FREM2: variants seen among roughly 807,000 people sequenced by gnomAD.
FREM2 encodes FRAS1-related extracellular matrix protein 2.
Under a neutral mutation model 219.9 loss-of-function variants are expected in FREM2, and 119 were observed. The ratio of observed to expected loss-of-function variants is 0.54; its 90% CI spans 0.47 to 0.63. The LOEUF (loss-of-function observed/expected upper bound fraction) is 0.63. FREM2 is among the 30% of genes least tolerant of loss of function. The probability of loss-of-function intolerance (pLI) is 0.00; values close to 1 mark genes in which losing one functional copy is unlikely to be tolerated. For synonymous variants in FREM2, 1,562 were observed against 1,522.8 expected (o/e 1.03, Z -0.60); for missense variants, 4,030 against 3,993.6 (o/e 1.01, Z -0.25).
At chr13:38,736,144 C>T (rs1396344697) in intron 2 of FREM2, among the ~76,000 whole-genome samples, 1 of 152,146 alleles carries the variant, frequency 6.6e-6, no homozygotes, top group African/African-American at 2.4e-5. Context: ...TTCTTTGCCT[C>T]AGAGGCTCAC....
chr13:38,761,511 A>T (rs528175775), intron 2 of FREM2, among the ~76,000 whole-genome samples: 1 of 152,240 alleles, frequency 6.6e-6, no homozygotes, highest in Non-Finnish European at 1.5e-5. Flanking sequence ...TTTTTTAAAA[A>T]CAATGAGAAC....
chr13:38,795,647 A>C (rs759195642), intron 6 of FREM2, among the ~76,000 whole-genome samples: 11 of 152,102 alleles, frequency 7.2e-5, no homozygotes, highest in Non-Finnish European at 1.5e-4. Context: ...ATTGCTAACT[A>C]TAGTCACCCA....
intron 7 of FREM2, 116 bp downstream of exon 7, chr13:38,846,838 T>C: frequency 8.6e-7 from 1 of 1,158,812 alleles, no homozygotes; most frequent in Non-Finnish European, 1.3e-6. Context: ...CTGGGTATAT[T>C]GTTTTTGCTG....
chr13:38,852,995 CA>C (rs1159114629), intron 11 of FREM2, among the ~76,000 whole-genome samples: 2 of 151,946 alleles, frequency 1.3e-5, no homozygotes, highest in Non-Finnish European at 1.5e-5. Flanking sequence ...CATGAACCAC[CA>C]AACTCAGCCT....
At chr13:38,734,863 C>T (rs1871921572) in intron 2 of FREM2, among the ~76,000 whole-genome samples, 1 of 150,210 alleles carries the variant, frequency 6.7e-6, no homozygotes, top group Non-Finnish European at 1.5e-5. Context: ...TCTCCTGCCT[C>T]AACCTCCCAT....
At chr13:38,824,557 G>C (rs1430379320) in intron 6 of FREM2, among the ~76,000 whole-genome samples, 1 of 152,006 alleles carries the variant, frequency 6.6e-6, no homozygotes, top group Admixed American at 6.6e-5. Flanking sequence ...GTATTTTGAG[G>C]GAAACAGTGG....
Position 38,859,592 on chromosome 13 carries a change from T to C in FREM2, c.7519+2T>C. On this transcript the variant is annotated splice_donor_variant, in intron 14 of 23. Coordinates refer to ENST00000280481, the MANE Select transcript of FREM2 (RefSeq NM_207361.6). LOFTEE classifies it high-confidence loss of function. ...TTGTAACCATCAGCAGAGAAGAAGGTCAGTCATTGCCATTTTCCCCTGAAG... is the reference window on the plus strand; with the variant it reads ...TTGTAACCATCAGCAGAGAAGAAGGCCAGTCATTGCCATTTTCCCCTGAAG... The C allele has an allele frequency of 1.2e-6, 2 of 1,613,288 alleles. No individual in the cohort carries two copies. Among genetic ancestry groups the C allele is most frequent in the Non-Finnish European group, 1.7e-6 (2 of 1,179,746 alleles).
At position 38,861,109 on chromosome 13, in the gene FREM2, C is replaced by A. The variant is rs529261284; in HGVS notation, c.7520-322C>A. ...GTCATTTTTACTGTATCTGTTCATACTTTATATTTAAATGATTTTGTGAAT... is the reference window on the plus strand; with the variant it reads ...GTCATTTTTACTGTATCTGTTCATAATTTATATTTAAATGATTTTGTGAAT... On this transcript the variant is annotated intron_variant, in intron 14 of 23. Coordinates refer to ENST00000280481, the MANE Select transcript of FREM2 (RefSeq NM_207361.6). Among the ~76,000 whole-genome samples, 441 of 152,224 alleles carry A rather than the reference C, an allele frequency of 2.9e-3. 5 individuals carry two copies. The highest frequency in any genetic ancestry group is 0.017 in the Middle Eastern group (5 of 294).
In FREM2 at chr13:38,764,378, G is replaced by A. The variant is rs1166279074; in HGVS notation, c.5338G>A (p.Val1780Ile). ...WISFEKEYYL[V>I]NEDSKFLDVV... is the part of the protein sequence containing the mutation. Reference sequence around the variant, plus strand: ...CTCCTTTGAAAAGGAATATTACCTGGTCAATGAGGACTCCAAATTTCTAGA... The same window carrying A: ...CTCCTTTGAAAAGGAATATTACCTGATCAATGAGGACTCCAAATTTCTAGA... The change falls in exon 3 of 24, where the codon GTC (valine) becomes ATC (isoleucine). Residue 1780 changes from valine (V) to isoleucine (I), a missense_variant. Physicochemically the swap from Val to Ile is conservative, Grantham distance 29. Around this residue, in one of 2 missense-constraint regions of FREM2, gnomAD observed 3,102 missense variants for 2,950.7 expected, o/e 1.05. Transcript: ENST00000280481. 3.1e-6 allele frequency: 5 copies of A among 1,604,406 alleles called. No homozygotes were observed. The highest frequency in any genetic ancestry group is 1.7e-5 in the Admixed American group (1 of 59,954).
At chr13:38,749,904 T>C (rs186542153) in intron 2 of FREM2, among the ~76,000 whole-genome samples, 7 of 152,270 alleles carry the variant, frequency 4.6e-5, no homozygotes, top group African/African-American at 1.4e-4. Context: ...CCTCCACATA[T>C]TCAAAAATGC....
At chr13:38,706,010 G>C (rs558675836) in intron 2 of FREM2, among the ~76,000 whole-genome samples, 1 of 152,258 alleles carries the variant, frequency 6.6e-6, no homozygotes, top group Non-Finnish European at 1.5e-5. Context: ...TTCACACGTT[G>C]TAAGTAGTTT....
intron 2 of FREM2, among the ~76,000 whole-genome samples, chr13:38,734,243 T>A (rs1871888486): frequency 2.0e-5 from 3 of 151,996 alleles, no homozygotes; most frequent in Admixed American, 6.6e-5. Context: ...TGTTACCCTA[T>A]CTCATTCCTC....
chr13:38,805,472 C>G (rs564006877), intron 6 of FREM2, among the ~76,000 whole-genome samples: 3 of 151,990 alleles, frequency 2.0e-5, no homozygotes. Context: ...TTTAAACATA[C>G]TAAGATAGAG....
At chr13:38,737,709 A>G (rs1461650861) in intron 2 of FREM2, among the ~76,000 whole-genome samples, 1 of 152,228 alleles carries the variant, frequency 6.6e-6, no homozygotes, top group East Asian at 1.9e-4. Context: ...CTGGACTAAT[A>G]CACAGTCTGG....
At chr13:38,695,080 C>T (rs1870050755) in intron 1 of FREM2, among the ~76,000 whole-genome samples, 1 of 152,166 alleles carries the variant, frequency 6.6e-6, no homozygotes, top group South Asian at 2.1e-4. Context: ...AGAAGAAAAT[C>T]TAGATAATTC....
At position 38,690,519 on chromosome 13, in the gene FREM2, A is replaced by T. The variant is rs779751160; in HGVS notation, c.3175A>T (p.Ile1059Phe). Residue 1059 changes from isoleucine (I) to phenylalanine (F), a missense_variant, in exon 1 of 24, where the codon ATC (isoleucine) becomes TTC (phenylalanine). By Grantham distance (21) the Ile-to-Phe change is conservative. This residue lies in a region of FREM2 where 3,102 missense variants were observed against 2,950.7 expected (regional missense o/e 1.05). Coordinates refer to ENST00000280481, the MANE Select transcript of FREM2 (RefSeq NM_207361.6). ...TIQGVTIWVT[I>F]LPVDSQAPEI... The stretch of plus-strand genomic sequence containing the variant: ...CCAAGGAGTTACTATATGGGTGACC[A>T]TCCTGCCTGTTGATAGCCAGGCCCC... 2 of 1,614,224 alleles carry T rather than the reference A, an allele frequency of 1.2e-6. No individual in the cohort carries two copies. The highest frequency in any genetic ancestry group is 1.7e-6 in the Non-Finnish European group (2 of 1,180,026).
In FREM2 at chr13:38,783,090, CA is replaced by C. The variant is rs777928527; in HGVS notation, c.5663del (p.Gln1888ArgfsTer23). The C allele has an allele frequency of 1.9e-6, 3 of 1,613,782 alleles. No homozygotes were observed. The highest frequency in any genetic ancestry group is 1.7e-6 in the Non-Finnish European group (2 of 1,179,948). ...PGDEPTVFIP[Q>X]SKYSVEEDVG... ...TCTAGAGCCAACTGTGTTTATTCCC[CA>C]GTCCAAATACTCCGTTGAAGAAGAT... On this transcript the variant is annotated frameshift_variant, in exon 5 of 24. Coordinates refer to ENST00000280481, the MANE Select transcript of FREM2 (RefSeq NM_207361.6). LOFTEE classifies it high-confidence loss of function.
In FREM2 at chr13:38,872,826, G is replaced by A. The variant is rs1878208398; in HGVS notation, c.8068G>A (p.Gly2690Ser). 1 of 1,613,922 alleles carries A rather than the reference G, an allele frequency of 6.2e-7. No individual in the cohort carries two copies. Among genetic ancestry groups the A allele is most frequent in the African/African-American group, 1.3e-5 (1 of 74,904 alleles). Residue 2690 changes from glycine (G) to serine (S), a missense_variant, in exon 17 of 24, where the codon GGC becomes AGC. Around this residue, in one of 2 missense-constraint regions of FREM2, gnomAD observed 928 missense variants for 1,042.9 expected, o/e 0.89. Coordinates refer to ENST00000280481, the MANE Select transcript of FREM2 (RefSeq NM_207361.6). ...YVFHSPVGVGGWQHFDLKSEL... is the reference protein window; with the variant it reads ...YVFHSPVGVGSWQHFDLKSEL... ...GTTCCATTCCCCCGTGGGGGTAGGA[G>A]GCTGGCAGCATTTTGACTTGAAGTC... is the stretch of plus-strand genomic sequence containing the variant.
chr13:38,855,414 A>G (rs1794917151), intron 11 of FREM2, among the ~76,000 whole-genome samples: 1 of 152,146 alleles, frequency 6.6e-6, no homozygotes, highest in South Asian at 2.1e-4. Context: ...CTTGAGTCCT[A>G]TTGGTTTAGA....
Sources: gnomAD v4.1 joint callset for allele counts (sites outside exome capture counted in the v4.1 genomes callset) on GRCh38, gnomAD v4.1.1 for gene constraint, gnomAD v4.1.1 regional missense constraint, MANE v1.5 for transcripts, NCBI Gene and HGNC (gene_info 2026-07-23, HGNC 2026-07-21) for gene names.